PTPRM: variants seen among roughly 807,000 people sequenced by gnomAD.
PTPRM encodes the protein protein tyrosine phosphatase receptor type M.
PTPRM carries 47 observed loss-of-function variants against 186.7 expected under a neutral mutation model. That is an observed-to-expected ratio of 0.25 (90% CI 0.20 to 0.32). The LOEUF (loss-of-function observed/expected upper bound fraction) is 0.32, where lower values mean the gene tolerates loss of function less well. PTPRM is among the 10% of genes least tolerant of loss of function. The pLI is 1.00. For missense variants in PTPRM, 1,494 were observed against 1,865.0 expected, an observed-to-expected ratio of 0.80 and a Z score of 3.66; for synonymous variants, 668 against 674.9, an observed-to-expected ratio of 0.99 and a Z score of 0.16.
At chr18:7,833,637 G>A (rs142284646) in intron 2 of PTPRM, among the ~76,000 whole-genome samples, 3,673 of 152,090 alleles carry the variant, frequency 0.024, 145 homozygotes, top group African/African-American at 0.083. Context: ...GGGAGGCTGA[G>A]GTAGGAGAAT....
intron 1 of PTPRM, among the ~76,000 whole-genome samples, chr18:7,616,685 T>C (rs757640151): frequency 6.6e-6 from 1 of 152,142 alleles, no homozygotes; most frequent in Non-Finnish European, 1.5e-5. Flanking sequence ...CCTGGCTTGG[T>C]TTCCTGGAAG....
At chr18:8,143,318 TTTTAAATGGC>T (rs1199014077) in intron 13 of PTPRM, among the ~76,000 whole-genome samples, 1 of 152,150 alleles carries the variant, frequency 6.6e-6, no homozygotes, top group Non-Finnish European at 1.5e-5. Flanking sequence ...GTTAGTAAGT[TTTTAAATGGC>T]AGAAAGAGCA....
At chr18:7,979,708 T>C (rs948262028) in intron 7 of PTPRM, among the ~76,000 whole-genome samples, 1 of 152,198 alleles carries the variant, frequency 6.6e-6, no homozygotes, top group Non-Finnish European at 1.5e-5. Flanking sequence ...GCCCAGGCAC[T>C]GGCATTTTGT....
At chr18:8,214,096 T>C (rs7506272) in intron 14 of PTPRM, among the ~76,000 whole-genome samples, 40,917 of 151,904 alleles carry the variant, frequency 0.27, 5,577 homozygotes, top group Middle Eastern at 0.5. Flanking sequence ...ATAATGGACA[T>C]TGGAGACTCG....
chr18:7,875,088 G>A (rs1156899409), intron 2 of PTPRM, among the ~76,000 whole-genome samples: 2 of 151,984 alleles, frequency 1.3e-5, no homozygotes, highest in Non-Finnish European at 2.9e-5. Context: ...CCCAGCTATT[G>A]GAGAGGCTGA....
At chr18:8,161,540 A>G (rs1235292644) in intron 14 of PTPRM, among the ~76,000 whole-genome samples, 1 of 152,110 alleles carries the variant, frequency 6.6e-6, no homozygotes. Flanking sequence ...TGATTTCTTT[A>G]CTAAGTGTTC....
chr18:7,903,212 G>A lies in PTPRM; in HGVS notation c.469-3293G>A, dbSNP rs559225885. On this transcript the variant is annotated intron_variant, in intron 3 of 32. Transcript: ENST00000580170. ...GAGTTCATTGAATGAATGAATGCATGGATGAATAAGAGAGAAGAAGGAAGA... is the reference window on the plus strand; with the variant it reads ...GAGTTCATTGAATGAATGAATGCATAGATGAATAAGAGAGAAGAAGGAAGA... 5.3e-5 allele frequency among the ~76,000 whole-genome samples: 8 copies of A among 152,334 alleles called. No individual in the cohort carries two copies. In the East Asian group the frequency reaches 1.5e-3, roughly 29 times the overall value.
At chr18:7,739,057 C>T (rs1249863407) in intron 1 of PTPRM, among the ~76,000 whole-genome samples, 1 of 152,066 alleles carries the variant, frequency 6.6e-6, no homozygotes, top group African/African-American at 2.4e-5. Flanking sequence ...TATAAAAATC[C>T]ACTTTTCTCG....
At chr18:8,249,848 A>C (rs1370572676) in intron 17 of PTPRM, among the ~76,000 whole-genome samples, 1 of 152,224 alleles carries the variant, frequency 6.6e-6, no homozygotes. Flanking sequence ...ATTGTAAAAA[A>C]TAAGTCACCC....
intron 1 of PTPRM, among the ~76,000 whole-genome samples, chr18:7,647,685 C>G (rs933899035): frequency 6.6e-6 from 1 of 152,180 alleles, no homozygotes; most frequent in African/African-American, 2.4e-5. Context: ...GAATCTGGCA[C>G]GTGGTGATTA....
chr18:8,299,214 G>C (rs1226720898), intron 20 of PTPRM, among the ~76,000 whole-genome samples: 1 of 152,120 alleles, frequency 6.6e-6, no homozygotes, highest in Non-Finnish European at 1.5e-5. Flanking sequence ...TCCTGTACCC[G>C]TTGCTCGTCA....
At chr18:8,127,413 G>A (rs2092395945) in intron 13 of PTPRM, among the ~76,000 whole-genome samples, 1 of 77,526 alleles carries the variant, frequency 1.3e-5, no homozygotes, top group African/African-American at 3.7e-5. Context: ...GAGTCCAGCT[G>A]TATTGTTTTT....
chr18:8,223,553 A>AAGTGAGTGG (rs1327253830), intron 14 of PTPRM, among the ~76,000 whole-genome samples: 1 of 152,230 alleles, frequency 6.6e-6, no homozygotes, highest in Non-Finnish European at 1.5e-5. Flanking sequence ...CCTTGTGACA[A>AAGTGAGTGG]AGTGAGTGGA....
intron 22 of PTPRM, among the ~76,000 whole-genome samples, chr18:8,323,519 T>G (rs1244776825): frequency 6.6e-6 from 1 of 152,202 alleles, no homozygotes; most frequent in Non-Finnish European, 1.5e-5. Flanking sequence ...AGCTATAGAT[T>G]GTTGAGATGC....
intron 14 of PTPRM, 136 bp from the exon 15 acceptor site, chr18:8,243,921 TA>T: frequency 1.2e-6 from 1 of 808,154 alleles, no homozygotes; most frequent in Non-Finnish European, 1.9e-6. Flanking sequence ...TTGCCACAAA[TA>T]AGGCACTATA....
intron 1 of PTPRM, among the ~76,000 whole-genome samples, chr18:7,700,993 A>AAAAAAAAAAAAAAAAAAAAG (rs10653685): frequency 9.3e-6 from 1 of 107,320 alleles, no homozygotes; most frequent in Non-Finnish European, 1.7e-5. Context: ...AAAAAAAAAA[A>AAAAAAAAAAAAAAAAAAAAG]AAAGAAAGAA....
At chr18:8,076,433 A>G in intron 8 of PTPRM, 22 bp from the exon 9 acceptor site, 1 of 1,377,834 alleles carries the variant, frequency 7.3e-7, no homozygotes, top group Non-Finnish European at 1.0e-6. Context: ...TTAAACATTT[A>G]TTTCCTCCCA....
chr18:7,690,789 G>A (rs561917854), intron 1 of PTPRM, among the ~76,000 whole-genome samples: 3 of 152,296 alleles, frequency 2.0e-5, no homozygotes, highest in South Asian at 2.1e-4. Context: ...GCTCTTCAGG[G>A]AAAGCCTAAC....
chr18:8,113,506 A>G lies in PTPRM; in HGVS notation c.1877A>G (p.Glu626Gly). 6.2e-7 allele frequency: 1 copy of G among 1,613,358 alleles called. No homozygotes were observed. The highest frequency in any genetic ancestry group is 1.7e-4 in the Middle Eastern group (1 of 6,060). The change falls in exon 12 of 33, where the codon GAG becomes GGG. Residue 626 changes from glutamate (E) to glycine (G), a missense_variant. Glu to Gly is a moderately conservative substitution (Grantham distance 98). This residue lies in a region of PTPRM where 1,107 missense variants were observed against 1,350.2 expected (regional missense o/e 0.82). Coordinates refer to ENST00000580170, the MANE Select transcript of PTPRM (RefSeq NM_001105244.2). Reference protein sequence around the residue: ...APVSVYQIVVEEERPRRTKKT... With the variant: ...APVSVYQIVVGEERPRRTKKT... ...TCTAGTGTCTATCAAATAGTTGTTGAGGAAGAACGTCCTCGAAGAACTAAA... is the reference window on the plus strand; with the variant it reads ...TCTAGTGTCTATCAAATAGTTGTTGGGGAAGAACGTCCTCGAAGAACTAAA...
Sources: allele counts gnomAD v4.1 joint callset (sites outside exome capture counted in the v4.1 genomes callset), GRCh38; gene constraint gnomAD v4.1.1; regional missense constraint gnomAD v4.1.1; transcripts MANE v1.5; gene names NCBI Gene and HGNC (gene_info 2026-07-23, HGNC 2026-07-21).